ARHGAP20: variants seen among roughly 807,000 people sequenced by gnomAD.
The protein encoded by ARHGAP20 is Rho GTPase activating protein 20.
Under a neutral mutation model 73.7 loss-of-function variants are expected in ARHGAP20, and 34 were observed. That is an observed-to-expected ratio of 0.46 (90% CI 0.35 to 0.61). The LOEUF is 0.61. ARHGAP20 is among the 20% of genes least tolerant of loss of function. ARHGAP20 has a pLI of 0.00. For synonymous variants in ARHGAP20, 523 were observed against 518.2 expected (o/e 1.01, Z -0.13); for missense variants, 1,314 against 1,420.9 (o/e 0.92, Z 1.21).
chr11:110,655,530 T>G (rs1425029985), intron 2 of ARHGAP20, among the ~76,000 whole-genome samples: 1 of 152,192 alleles, frequency 6.6e-6, no homozygotes, highest in Non-Finnish European at 1.5e-5. Flanking sequence ...CTGAAGTGCT[T>G]GGCCACAGGA....
In ARHGAP20 at chr11:110,577,232, A is replaced by AT; in HGVS notation, c.*2137dup. On this transcript the variant is annotated 3_prime_UTR_variant, in exon 15 of 15. Coordinates refer to ENST00000683387, the MANE Select transcript of ARHGAP20 (RefSeq NM_001384657.1). ...AAGATATATTATACAAACTCAAAGC[A>AT]TTTTAGATAAAGCATCAGTCTAATA... The AT allele has an allele frequency of 6.7e-7, 1 of 1,495,680 alleles. No individual in the cohort carries two copies. The highest frequency in any genetic ancestry group is 8.9e-7 in the Non-Finnish European group (1 of 1,122,336). The allele number at this position is 1,495,680 out of a possible 1,614,324, so 92.7% of individuals were successfully genotyped here. A position where few individuals can be genotyped will look rare whatever the true frequency, so the allele number is the denominator to read the frequency against.
At chr11:110,706,520 T>C (rs1442442332) in intron 1 of ARHGAP20, among the ~76,000 whole-genome samples, 1 of 152,180 alleles carries the variant, frequency 6.6e-6, no homozygotes, top group Non-Finnish European at 1.5e-5. Flanking sequence ...CTTTAAAGGA[T>C]GGTATGCATT....
chr11:110,618,179 G>C (rs1156869088), intron 4 of ARHGAP20, among the ~76,000 whole-genome samples: 1 of 152,030 alleles, frequency 6.6e-6, no homozygotes, highest in Non-Finnish European at 1.5e-5. Context: ...TGTCAACAGT[G>C]ACCACAATAG....
chr11:110,578,811 G>A lies in ARHGAP20; in HGVS notation c.*559C>T. On this transcript the variant is annotated 3_prime_UTR_variant, in exon 15 of 15. Transcript: ENST00000683387. ...ATGGGCTGGTTCTTGGAATGATTCT[G>A]TAAGGACACGTGATTAGTAAGATCC... is the stretch of plus-strand genomic sequence containing the variant. 1 of 985,874 alleles carries A rather than the reference G, an allele frequency of 1.0e-6. No individual in the cohort carries two copies. The highest frequency in any genetic ancestry group is 1.2e-6 in the Non-Finnish European group (1 of 830,024). The allele number at this position is 985,874 out of a possible 1,614,324, so 61.1% of individuals were successfully genotyped here.
chr11:110,581,030 A>G lies in ARHGAP20; in HGVS notation c.1916T>C (p.Phe639Ser). ...TTCATCTTTAGAATGGGCCAAGTCA[A>G]AGTCGCTTAGGGTTAAAAGGCCTTC... ...EVEGLLTLSDFDLAHSKDEDV... is the reference protein window; with the variant it reads ...EVEGLLTLSDSDLAHSKDEDV... The change falls in exon 15 of 15, where the codon TTT becomes TCT. Residue 639 changes from phenylalanine to serine, a missense_variant. By Grantham distance (155) the Phe-to-Ser change is radical. Transcript: ENST00000683387. 1.9e-6 allele frequency: 3 copies of G among 1,614,166 alleles called. No individual in the cohort carries two copies. Among genetic ancestry groups the G allele is most frequent in the Non-Finnish European group, 2.5e-6 (3 of 1,180,026 alleles).
At chr11:110,684,126 A>G (rs946039499) in intron 2 of ARHGAP20, among the ~76,000 whole-genome samples, 13 of 152,156 alleles carry the variant, frequency 8.5e-5, no homozygotes, top group Admixed American at 5.9e-4. Flanking sequence ...AAAAAGATAT[A>G]TAGTGTGTTA....
At chr11:110,653,751 T>G (rs1252482828) in intron 2 of ARHGAP20, among the ~76,000 whole-genome samples, 1 of 152,224 alleles carries the variant, frequency 6.6e-6, no homozygotes, top group East Asian at 1.9e-4. Flanking sequence ...TAAATCATTC[T>G]ATTATAAAGA....
At chr11:110,665,074 G>A (rs1176967837) in intron 2 of ARHGAP20, among the ~76,000 whole-genome samples, 4 of 152,086 alleles carry the variant, frequency 2.6e-5, no homozygotes, top group Non-Finnish European at 4.4e-5. Context: ...CTAGGGAAGT[G>A]CCCATAAAAC....
Position 110,651,453 on chromosome 11 carries a change from T to G in ARHGAP20, c.189-20661A>C, listed in dbSNP as rs146896051. On this transcript the variant is annotated intron_variant, in intron 2 of 14. Coordinates refer to ENST00000683387, the MANE Select transcript of ARHGAP20 (RefSeq NM_001384657.1). Reference sequence around the variant, plus strand: ...ATCCAGGAGCTGTTTTTTTTTAAATTTAATGAAATATTAATAGACTGCTAG... The same window carrying G: ...ATCCAGGAGCTGTTTTTTTTTAAATGTAATGAAATATTAATAGACTGCTAG... Among the ~76,000 whole-genome samples the G allele has an allele frequency of 4.9e-3, 746 of 151,190 alleles. 3 individuals are homozygous for G. Among genetic ancestry groups the G allele is most frequent in the South Asian group, 0.021 (100 of 4,800 alleles).
intron 2 of ARHGAP20, among the ~76,000 whole-genome samples, chr11:110,663,204 A>C (rs1949652358): frequency 6.6e-6 from 1 of 151,632 alleles, no homozygotes; most frequent in Non-Finnish European, 1.5e-5. Context: ...GAAATCAATG[A>C]AATAGAAAAC....
At chr11:110,704,860 T>C (rs1950525482) in intron 1 of ARHGAP20, among the ~76,000 whole-genome samples, 1 of 152,114 alleles carries the variant, frequency 6.6e-6, no homozygotes, top group Non-Finnish European at 1.5e-5. Flanking sequence ...AAAGTTTACT[T>C]TAAAGGTTTA....
chr11:110,699,133 ATTT>A (rs1234276545), intron 1 of ARHGAP20, among the ~76,000 whole-genome samples: 1 of 151,610 alleles, frequency 6.6e-6, no homozygotes, highest in Non-Finnish European at 1.5e-5. Context: ...TGTTTTGAAA[ATTT>A]TTTTGATTTC....
chr11:110,591,319 A>C (rs531290423), intron 10 of ARHGAP20, among the ~76,000 whole-genome samples: 2 of 152,256 alleles, frequency 1.3e-5, no homozygotes, highest in Non-Finnish European at 1.5e-5. Flanking sequence ...AACGGATGAG[A>C]TGATGACATG....
chr11:110,595,126 T>A (rs1022281815), intron 9 of ARHGAP20, among the ~76,000 whole-genome samples: 17 of 151,630 alleles, frequency 1.1e-4, no homozygotes, highest in African/African-American at 3.9e-4. Flanking sequence ...ATAAATTAGG[T>A]ATTGATGGGA....
intron 1 of ARHGAP20, among the ~76,000 whole-genome samples, chr11:110,710,639 G>A (rs1351962144): frequency 1.3e-5 from 2 of 152,140 alleles, no homozygotes; most frequent in Non-Finnish European, 2.9e-5. Flanking sequence ...GGGGAAAAGC[G>A]ACAAGGACAA....
chr11:110,613,320 C>T (rs1948410375), intron 6 of ARHGAP20, among the ~76,000 whole-genome samples: 1 of 152,172 alleles, frequency 6.6e-6, no homozygotes, highest in Admixed American at 6.5e-5. Flanking sequence ...AAGAATGCTT[C>T]CCACACATGC....
At position 110,608,911 on chromosome 11, in the gene ARHGAP20, C is replaced by A. The variant is rs1007436694; in HGVS notation, c.775+73G>T. Reference sequence around the variant, plus strand: ...AGTATTTAAGCTTAGGACCATATGACCAATTCTCGGAGACACTTAGAATTA... The same window carrying A: ...AGTATTTAAGCTTAGGACCATATGAACAATTCTCGGAGACACTTAGAATTA... On this transcript the variant is annotated intron_variant, in intron 8 of 14. Transcript: ENST00000683387. 1.6e-5 allele frequency: 21 copies of A among 1,285,516 alleles called. No homozygotes were observed. In the Admixed American group the frequency reaches 3.7e-4, roughly 22 times the overall value. 79.6% of individuals were successfully genotyped at this position (1,285,516 alleles called of 1,614,324 possible).
intron 2 of ARHGAP20, among the ~76,000 whole-genome samples, chr11:110,674,494 G>A (rs1949892850): frequency 6.6e-6 from 1 of 152,088 alleles, no homozygotes; most frequent in Non-Finnish European, 1.5e-5. Flanking sequence ...ACAAGTCACA[G>A]CCAAAATGCA....
intron 9 of ARHGAP20, among the ~76,000 whole-genome samples, chr11:110,593,050 G>A (rs895354910): frequency 4.6e-5 from 7 of 152,028 alleles, no homozygotes; most frequent in African/African-American, 1.7e-4. Context: ...TAAGATGGAG[G>A]GGGTGATCTT....
Sources: gnomAD v4.1 joint callset for allele counts (sites outside exome capture counted in the v4.1 genomes callset) on GRCh38, gnomAD v4.1.1 for gene constraint, MANE v1.5 for transcripts, NCBI Gene and HGNC (gene_info 2026-07-23, HGNC 2026-07-21) for gene names.